Variants in EPHA6 observed in about 807,000 individuals in gnomAD.
EPHA6 encodes the protein EPH receptor A6, also known as ephrin type-A receptor 6.
A neutral mutation model predicts 112.0 loss-of-function variants in EPHA6; 50 were observed. The observed-to-expected ratio is 0.45, with a 90% CI of 0.36 to 0.56. EPHA6 has a LOEUF of 0.56. EPHA6 is among the 20% of genes least tolerant of loss of function. EPHA6 has a pLI of 0.00. For missense variants in EPHA6, 1,280 were observed against 1,417.4 expected (o/e 0.90, Z 1.56); for synonymous variants, 529 against 490.7 (o/e 1.08, Z -1.03).
At chr3:97,562,746 C>A (rs1470585248) in intron 11 of EPHA6, among the ~76,000 whole-genome samples, 1 of 152,078 alleles carries the variant, frequency 6.6e-6, no homozygotes, top group Non-Finnish European at 1.5e-5. Flanking sequence ...TCAAAGAAAT[C>A]TGTCATGAAA....
intron 14 of EPHA6, among the ~76,000 whole-genome samples, chr3:97,694,716 G>A (rs1022566836): frequency 7.2e-5 from 11 of 152,350 alleles, no homozygotes; most frequent in Admixed American, 3.3e-4. Context: ...ATTGCAGGCT[G>A]CAGAAACTTC....
chr3:97,629,433 G>A (rs2093885433), intron 13 of EPHA6, among the ~76,000 whole-genome samples: 1 of 151,914 alleles, frequency 6.6e-6, no homozygotes, highest in African/African-American at 2.4e-5. Flanking sequence ...CATATGGTAT[G>A]GATGAGTGAA....
Position 97,448,606 on chromosome 3 carries a change from A to G in EPHA6, c.1770A>G (p.Lys590=), listed in dbSNP as rs2090427622. ...EQLTYSSTRS[K]APSVIITGLK... is the part of the protein sequence containing the mutation. Reference sequence around the variant, plus strand: ...TGACCTACTCTTCCACAAGGTCCAAAGCCCCCAGTGTCATCATCACAGGTC... The same window carrying G: ...TGACCTACTCTTCCACAAGGTCCAAGGCCCCCAGTGTCATCATCACAGGTC... The change falls in exon 7 of 18, where the codon AAA becomes AAG. Residue 590 remains lysine (K), a synonymous_variant. Transcript: ENST00000389672. 1.2e-6 allele frequency: 2 copies of G among 1,613,502 alleles called. No homozygotes were observed. The highest frequency in any genetic ancestry group is 1.7e-6 in the Non-Finnish European group (2 of 1,179,554).
rs1201923119 is a variant in EPHA6, at chr3:96,826,577, A to G, written c.385+11569A>G. ...TATGAACTTGCTCTATTCCAGTGCT[A>G]AGGTAGGGGATATTTTATGTGCATT... On this transcript the variant is annotated intron_variant, in intron 1 of 17. Coordinates refer to ENST00000389672, the MANE Select transcript of EPHA6 (RefSeq NM_001080448.3). Among the ~76,000 whole-genome samples, 3 of 152,170 alleles carry G rather than the reference A, an allele frequency of 2.0e-5. No individual in the cohort carries two copies. The East Asian group carries it at 5.8e-4, about 29-fold the overall frequency.
chr3:97,505,671 T>C (rs1162284411), intron 10 of EPHA6, among the ~76,000 whole-genome samples: 1 of 152,166 alleles, frequency 6.6e-6, no homozygotes, highest in Admixed American at 6.5e-5. Flanking sequence ...GTCTTTATAG[T>C]AGAATGATTT....
At chr3:96,823,195 A>G (rs1351028952) in intron 1 of EPHA6, among the ~76,000 whole-genome samples, 2 of 151,894 alleles carry the variant, frequency 1.3e-5, no homozygotes, top group East Asian at 3.9e-4. Flanking sequence ...ATGAGTAAAT[A>G]GAGAATTTAA....
At chr3:97,168,575 GTCTC>G (rs200247205) in intron 3 of EPHA6, among the ~76,000 whole-genome samples, 2,028 of 144,864 alleles carry the variant, frequency 0.014, 38 homozygotes, top group African/African-American at 0.05. Context: ...CTTTCTCTCT[GTCTC>G]TCTCTCTCTC....
chr3:97,179,717 GTCTCTCTCTC>G (rs71113852), intron 3 of EPHA6, among the ~76,000 whole-genome samples: 2,977 of 119,176 alleles, frequency 0.025, 122 homozygotes, highest in Admixed American at 0.11. Context: ...AACCTACAGA[GTCTCTCTCTC>G]TCTCTCTCTC....
chr3:96,979,866 T>C (rs574470436), intron 2 of EPHA6, among the ~76,000 whole-genome samples: 69 of 152,354 alleles, frequency 4.5e-4, no homozygotes, highest in African/African-American at 1.5e-3. Flanking sequence ...GAAGTGTCTG[T>C]TCATATCCTT....
chr3:97,252,561 A>C (rs73848578), intron 5 of EPHA6, among the ~76,000 whole-genome samples: 34 of 152,234 alleles, frequency 2.2e-4, no homozygotes, highest in African/African-American at 7.2e-4. Flanking sequence ...TCCTACCTGC[A>C]CTGAGGTCAA....
intron 3 of EPHA6, among the ~76,000 whole-genome samples, chr3:97,187,606 AAAGAAAGAAAAAGAAAGAAAGGG>A (rs1559784213): frequency 6.7e-6 from 1 of 148,584 alleles, no homozygotes; most frequent in Admixed American, 6.8e-5. Context: ...AAGAAAAGAG[AAAGAAAGAAAAAGAAAGAAAGGG>A]AAGAAAGAAA....
chr3:97,046,926 C>T (rs1000600349), intron 3 of EPHA6, among the ~76,000 whole-genome samples: 1 of 152,026 alleles, frequency 6.6e-6, no homozygotes, highest in Non-Finnish European at 1.5e-5. Context: ...TAAACTAATA[C>T]AAGAATTGTC....
intron 3 of EPHA6, among the ~76,000 whole-genome samples, chr3:96,988,477 G>A (rs78724657): frequency 0.029 from 4,437 of 152,128 alleles, 213 homozygotes; most frequent in African/African-American, 0.098. Flanking sequence ...CATTTTTACA[G>A]TTTATAGAAA....
rs555286139 is a variant in EPHA6, at chr3:97,323,302, C to G, written c.1606+79015C>G. 8.0e-5 allele frequency among the ~76,000 whole-genome samples: 12 copies of G among 150,626 alleles called. No individual in the cohort carries two copies. In the East Asian group the frequency reaches 2.4e-3, roughly 30 times the overall value. On this transcript the variant is annotated intron_variant, in intron 5 of 17. Transcript: ENST00000389672. ...TTTTTTGAGAATAATTTTATTCTGACAAAAGAAGTAAATACAAGGTAGGAA... is the reference window on the plus strand; with the variant it reads ...TTTTTTGAGAATAATTTTATTCTGAGAAAAGAAGTAAATACAAGGTAGGAA...
intron 3 of EPHA6, among the ~76,000 whole-genome samples, chr3:97,040,619 T>G (rs2045279485): frequency 6.6e-6 from 1 of 152,102 alleles, no homozygotes; most frequent in African/African-American, 2.4e-5. Flanking sequence ...TCAATCCAAA[T>G]TGATTTTAAC....
chr3:97,106,579 T>C (rs527890215), intron 3 of EPHA6, among the ~76,000 whole-genome samples: 1 of 152,170 alleles, frequency 6.6e-6, no homozygotes, highest in African/African-American at 2.4e-5. Context: ...GTTGTACTCA[T>C]TTTCCAAGCC....
intron 3 of EPHA6, among the ~76,000 whole-genome samples, chr3:97,167,830 A>G (rs1041586344): frequency 1.3e-5 from 2 of 151,914 alleles, no homozygotes; most frequent in African/African-American, 4.8e-5. Context: ...AATATTTGGA[A>G]TCCAAATATT....
chr3:96,839,642 T>A (rs1277275013), intron 1 of EPHA6, among the ~76,000 whole-genome samples: 1 of 152,030 alleles, frequency 6.6e-6, no homozygotes, highest in Non-Finnish European at 1.5e-5. Flanking sequence ...ATGCTTACCC[T>A]GGAAATGAGG....
At chr3:97,092,097 T>TA (rs140070277) in intron 3 of EPHA6, among the ~76,000 whole-genome samples, 32 of 138,940 alleles carry the variant, frequency 2.3e-4, no homozygotes, top group South Asian at 1.8e-3. Flanking sequence ...TTTTTTTTTT[T>TA]AAAAAAAAAA....
Sources: gnomAD v4.1 joint callset for allele counts (sites outside exome capture counted in the v4.1 genomes callset) on GRCh38, gnomAD v4.1.1 for gene constraint, MANE v1.5 for transcripts, NCBI Gene and HGNC (gene_info 2026-07-23, HGNC 2026-07-21) for gene names.